The following LDB2 variants were observed in gnomAD, a reference collection of about 807,000 sequenced individuals.
LDB2 encodes LIM domain-binding protein 2.
LDB2 carries 12 observed loss-of-function variants against 44.3 expected under a neutral mutation model. That is an observed-to-expected ratio of 0.27 (90% confidence interval 0.17 to 0.44). LDB2 has a LOEUF of 0.44. LDB2 is among the 20% of genes least tolerant of loss of function. LDB2 has a pLI of 1.00. For synonymous variants in LDB2, 164 were observed against 174.8 expected (o/e 0.94, Z 0.49); for missense variants, 344 against 473.5 (o/e 0.73, Z 2.54).
chr4:16,891,556 C>G (rs991839273), intron 1 of LDB2, among the ~76,000 whole-genome samples: 2 of 151,944 alleles, frequency 1.3e-5, no homozygotes, highest in African/African-American at 4.8e-5. Context: ...CATGATCTGC[C>G]CACCCCAGCT....
chr4:16,555,234 G>A lies in LDB2; in HGVS notation c.615+30688C>T, dbSNP rs188456891. Among the ~76,000 whole-genome samples the A allele has an allele frequency of 1.4e-3, 214 of 152,176 alleles. 1 individual carries two copies. The highest frequency in any genetic ancestry group is 1.6e-3 in the Non-Finnish European group (107 of 68,006). On this transcript the variant is annotated intron_variant, in intron 5 of 7. Transcript: ENST00000304523. ...ACCAGGAGTTTTAAAAGCTCCCCAA[G>A]TGATTCTGATATTCAGTAGAGTTAA...
intron 1 of LDB2, among the ~76,000 whole-genome samples, chr4:16,772,437 C>T (rs1266119961): frequency 2.0e-5 from 3 of 152,164 alleles, no homozygotes; most frequent in African/African-American, 7.2e-5. Context: ...ATCAAGGAGA[C>T]ACATTAATCT....
At chr4:16,510,474 T>C (rs1384338691) in intron 6 of LDB2, among the ~76,000 whole-genome samples, 1 of 152,200 alleles carries the variant, frequency 6.6e-6, no homozygotes, top group Non-Finnish European at 1.5e-5. Context: ...TCCTGACAAG[T>C]ATCTTCTTTC....
intron 1 of LDB2, among the ~76,000 whole-genome samples, chr4:16,804,363 G>A (rs1022862264): frequency 2.0e-5 from 3 of 152,124 alleles, no homozygotes; most frequent in African/African-American, 7.2e-5. Context: ...AAATTTGGAA[G>A]GGCCTCTGCC....
chr4:16,716,126 G>T (rs1445184900), intron 2 of LDB2, among the ~76,000 whole-genome samples: 1 of 152,130 alleles, frequency 6.6e-6, no homozygotes, highest in Admixed American at 6.6e-5. Context: ...ATAAAGAAAT[G>T]TTTCTATCTT....
At chr4:16,826,915 G>A (rs1160770734) in intron 1 of LDB2, among the ~76,000 whole-genome samples, 3 of 152,126 alleles carry the variant, frequency 2.0e-5, no homozygotes, top group Non-Finnish European at 2.9e-5. Context: ...GCAACAACTC[G>A]GCGGGTAATT....
chr4:16,766,659 C>A lies in LDB2; in HGVS notation c.133-7399G>T, dbSNP rs909603609. ...TAGCTGGGATTATAGGCGCCCACCA[C>A]CACGCCCAGCTAATTTTTGTATTTT... On this transcript the variant is annotated intron_variant, in intron 1 of 7. Coordinates refer to ENST00000304523, the MANE Select transcript of LDB2 (RefSeq NM_001290.5). 1.4e-4 allele frequency among the ~76,000 whole-genome samples: 21 copies of A among 151,776 alleles called. 1 individual carries two copies.
At chr4:16,851,450 C>T (rs1393137594) in intron 1 of LDB2, among the ~76,000 whole-genome samples, 1 of 151,802 alleles carries the variant, frequency 6.6e-6, no homozygotes, top group East Asian at 1.9e-4. Context: ...AAAAATTAGC[C>T]GGGCATGGTG....
At chr4:16,718,713 C>T (rs1258606449) in intron 2 of LDB2, among the ~76,000 whole-genome samples, 8 of 152,020 alleles carry the variant, frequency 5.3e-5, no homozygotes, top group South Asian at 2.1e-4. Context: ...AAGAGCTGTA[C>T]GAAATATTGT....
At chr4:16,644,490 T>C (rs1184462882) in intron 2 of LDB2, among the ~76,000 whole-genome samples, 3 of 151,346 alleles carry the variant, frequency 2.0e-5, no homozygotes, top group Admixed American at 2.0e-4. Context: ...TGCAGTGGCA[T>C]GATCTTGGCT....
At chr4:16,645,973 T>C (rs954876737) in intron 2 of LDB2, among the ~76,000 whole-genome samples, 6 of 152,236 alleles carry the variant, frequency 3.9e-5, no homozygotes, top group African/African-American at 1.4e-4. Flanking sequence ...GAGCACCCAC[T>C]CTGGGGCTAG....
chr4:16,846,316 C>G (rs1251854091), intron 1 of LDB2, among the ~76,000 whole-genome samples: 1 of 152,114 alleles, frequency 6.6e-6, no homozygotes, highest in East Asian at 1.9e-4. Flanking sequence ...AGATGGCTAA[C>G]AAAGCTTTAA....
chr4:16,838,955 C>T (rs1449797159), intron 1 of LDB2, among the ~76,000 whole-genome samples: 1 of 152,190 alleles, frequency 6.6e-6, no homozygotes, highest in Non-Finnish European at 1.5e-5. Context: ...TAAAATGTTG[C>T]TCTATGTTAG....
At chr4:16,852,779 C>A (rs1460999529) in intron 1 of LDB2, among the ~76,000 whole-genome samples, 1 of 152,098 alleles carries the variant, frequency 6.6e-6, no homozygotes, top group Non-Finnish European at 1.5e-5. Flanking sequence ...CAGTTACAGG[C>A]ATGTAAAAGT....
At position 16,571,453 on chromosome 4, in the gene LDB2, C is replaced by CAAA. The variant is rs34875159; in HGVS notation, c.615+14466_615+14468dup. Reference sequence around the variant, plus strand: ...TCCATTGCATCTGTGGGCAATTCGGCAAAAAAAAAAAAGCCTGGTCATCTC... The same window carrying CAAA: ...TCCATTGCATCTGTGGGCAATTCGGCAAAAAAAAAAAAAAAGCCTGGTCATCTC... On this transcript the variant is annotated intron_variant, in intron 5 of 7. Transcript: ENST00000304523. 7.1e-4 allele frequency among the ~76,000 whole-genome samples: 98 copies of CAAA among 138,232 alleles called. 1 individual carries two copies. The highest frequency in any genetic ancestry group is 3.7e-3 in the Middle Eastern group (1 of 272). The allele number at this position is 138,232 out of a possible 152,430, so 90.7% of individuals were successfully genotyped here. A position where few individuals can be genotyped will look rare whatever the true frequency, so the allele number is the denominator to read the frequency against.
chr4:16,760,492 C>T (rs567662825), intron 1 of LDB2, among the ~76,000 whole-genome samples: 25 of 152,244 alleles, frequency 1.6e-4, no homozygotes, highest in African/African-American at 5.8e-4. Context: ...TAGCAAAAGC[C>T]AATCCCTTTC....
rs1369756344 is a variant in LDB2, at chr4:16,608,910, C to T, written c.236-13035G>A. Among the ~76,000 whole-genome samples, 6 of 152,168 alleles carry T rather than the reference C, an allele frequency of 3.9e-5. No homozygotes were observed. In the East Asian group the frequency reaches 1.2e-3, roughly 29 times the overall value. ...GCTTCTCTCTCTGGCTTCATTCTCT[C>T]TCTTCTGTCATTATTAAAAACTAAT... On this transcript the variant is annotated intron_variant, in intron 2 of 7. Coordinates refer to ENST00000304523, the MANE Select transcript of LDB2 (RefSeq NM_001290.5).
intron 1 of LDB2, among the ~76,000 whole-genome samples, chr4:16,818,240 C>CAGT (rs1325254819): frequency 1.3e-5 from 2 of 152,154 alleles, no homozygotes; most frequent in Non-Finnish European, 2.9e-5. Flanking sequence ...TCACAAGGCT[C>CAGT]AGTACTCCAA....
At chr4:16,757,819 C>G (rs1187505506) in intron 2 of LDB2, among the ~76,000 whole-genome samples, 1 of 152,148 alleles carries the variant, frequency 6.6e-6, no homozygotes, top group Non-Finnish European at 1.5e-5. Context: ...CAAGTTAACT[C>G]AGCAGGACCC....
Sources: gnomAD v4.1 joint callset for allele counts (sites outside exome capture counted in the v4.1 genomes callset) on GRCh38, gnomAD v4.1.1 for gene constraint, MANE v1.5 for transcripts, NCBI Gene and HGNC (gene_info 2026-07-23, HGNC 2026-07-21) for gene names.